PTPRD: variants seen among roughly 807,000 people sequenced by gnomAD.
PTPRD encodes protein tyrosine phosphatase receptor type D.
In PTPRD, 34 loss-of-function variants were observed where a neutral mutation model predicts 214.5. The observed-to-expected ratio is 0.16, with a 90% CI of 0.12 to 0.21. The LOEUF (loss-of-function observed/expected upper bound fraction) is 0.21. PTPRD is among the 10% of genes least tolerant of loss of function. The pLI is 1.00. For missense variants in PTPRD, 2,545 were observed against 2,398.7 expected (o/e 1.06, Z -1.27); for synonymous variants, 1,128 against 845.7 (o/e 1.33, Z -5.79).
chr9:8,711,308 T>C (rs2098328206), intron 12 of PTPRD, among the ~76,000 whole-genome samples: 1 of 152,080 alleles, frequency 6.6e-6, no homozygotes, highest in South Asian at 2.1e-4. Context: ...TTTAATCAAA[T>C]ATATAATTAT....
At chr9:10,016,382 T>TAGATAGAC (rs1403473610) in intron 4 of PTPRD, among the ~76,000 whole-genome samples, 3 of 135,882 alleles carry the variant, frequency 2.2e-5, no homozygotes, top group Non-Finnish European at 4.7e-5. Context: ...GATAGATAGA[T>TAGATAGAC]AGATAGATAG....
intron 34 of PTPRD, among the ~76,000 whole-genome samples, chr9:8,444,207 C>G (rs1196937781): frequency 6.6e-6 from 1 of 152,100 alleles, no homozygotes; most frequent in East Asian, 1.9e-4. Context: ...ATAACCTAGC[C>G]TCCATTAATA....
intron 11 of PTPRD, among the ~76,000 whole-genome samples, chr9:8,738,790 T>A (rs1443680767): frequency 2.7e-5 from 3 of 109,364 alleles, no homozygotes; most frequent in Non-Finnish European, 6.4e-5. Flanking sequence ...AAACAAAAAC[T>A]ACTGCTGTCA....
At chr9:9,016,126 C>T (rs1356810935) in intron 11 of PTPRD, among the ~76,000 whole-genome samples, 1 of 152,114 alleles carries the variant, frequency 6.6e-6, no homozygotes, top group Admixed American at 6.6e-5. Flanking sequence ...CTGAGACTGC[C>T]TTACTGCAGC....
intron 3 of PTPRD, among the ~76,000 whole-genome samples, chr9:10,180,692 A>G (rs908146542): frequency 2.6e-5 from 4 of 151,800 alleles, no homozygotes; most frequent in South Asian, 2.1e-4. Context: ...TACCAAATCA[A>G]CAGTATATTA....
intron 9 of PTPRD, among the ~76,000 whole-genome samples, chr9:9,343,190 T>C (rs1415551288): frequency 1.3e-5 from 2 of 152,196 alleles, no homozygotes; most frequent in Non-Finnish European, 2.9e-5. Context: ...GCAATAAACA[T>C]ACTTGTGCTT....
At chr9:8,345,371 G>T (rs903317110) in intron 39 of PTPRD, among the ~76,000 whole-genome samples, 1 of 152,052 alleles carries the variant, frequency 6.6e-6, no homozygotes, top group African/African-American at 2.4e-5. Flanking sequence ...CCTGTTCCCA[G>T]CACCCCCAGT....
At position 8,486,096 on chromosome 9, in the gene PTPRD, C is replaced by T. The variant is rs1392659820; in HGVS notation, c.2721G>A (p.Met907Ile). The T allele has an allele frequency of 1.2e-6, 2 of 1,614,134 alleles. No individual in the cohort carries two copies. The highest frequency in any genetic ancestry group is 2.2e-5 in the East Asian group (1 of 44,872). The part of the protein sequence containing the change: ...ARNKVGFGEE[M>I]VKEISIPEEV... ...CTTCTGGAATGGAAATCTCCTTCAC[C>T]ATCTCCTCCCCAAAGCCCACTTTGT... Residue 907 changes from methionine (M) to isoleucine (I), a missense_variant, in exon 28 of 46, where the codon ATG becomes ATA. By Grantham distance (10) the Met-to-Ile change is conservative. Coordinates refer to ENST00000381196, the MANE Select transcript of PTPRD (RefSeq NM_002839.4).
chr9:9,983,768 G>A (rs1047312929), intron 4 of PTPRD, among the ~76,000 whole-genome samples: 3 of 152,140 alleles, frequency 2.0e-5, no homozygotes, highest in Admixed American at 6.5e-5. Context: ...GAATGTCCAC[G>A]CATAATTTCA....
chr9:9,564,884 G>GTTTTTTTTTTTTT lies in PTPRD; in HGVS notation c.-237+9835_-237+9847dup, dbSNP rs1191664969. Among the ~76,000 whole-genome samples, 18 of 48,856 alleles carry GTTTTTTTTTTTTT rather than the reference G, an allele frequency of 3.7e-4. 2 individuals are homozygous for GTTTTTTTTTTTTT. The highest frequency in any genetic ancestry group is 8.3e-4 in the African/African-American group (12 of 14,410). 32.1% of individuals were successfully genotyped at this position (48,856 alleles called of 152,430 possible). A position where few individuals can be genotyped will look rare whatever the true frequency, so the allele number is the denominator to read the frequency against. On this transcript the variant is annotated intron_variant, in intron 8 of 45. Coordinates refer to ENST00000381196, the MANE Select transcript of PTPRD (RefSeq NM_002839.4). ...AACAAAAGAGAGACTTGAATCTTCT[G>GTTTTTTTTTTTTT]TTTTTTTTTTTTTTTTTTTTTTTTT...
At chr9:8,986,743 T>C (rs2099346829) in intron 11 of PTPRD, among the ~76,000 whole-genome samples, 1 of 152,074 alleles carries the variant, frequency 6.6e-6, no homozygotes, top group Non-Finnish European at 1.5e-5. Context: ...AAGTGCCAGA[T>C]ACAAATGTGT....
At chr9:8,969,104 C>T (rs1359071826) in intron 11 of PTPRD, among the ~76,000 whole-genome samples, 1 of 152,034 alleles carries the variant, frequency 6.6e-6, no homozygotes, top group Admixed American at 6.6e-5. Context: ...TCATCCCATT[C>T]CTCCCTCTAA....
At chr9:9,852,543 A>C (rs1313182528) in intron 5 of PTPRD, among the ~76,000 whole-genome samples, 1 of 152,142 alleles carries the variant, frequency 6.6e-6, no homozygotes, top group Admixed American at 6.5e-5. Context: ...CTAGAGTTAT[A>C]TAGAAATATG....
intron 7 of PTPRD, among the ~76,000 whole-genome samples, chr9:9,592,197 C>T (rs776626435): frequency 6.6e-6 from 1 of 152,014 alleles, no homozygotes; most frequent in Non-Finnish European, 1.5e-5. Flanking sequence ...ACCAATAAAG[C>T]ATATAAAATC....
intron 5 of PTPRD, among the ~76,000 whole-genome samples, chr9:9,810,762 T>C (rs80151943): frequency 0.017 from 2,533 of 152,096 alleles, 64 homozygotes; most frequent in African/African-American, 0.058. Context: ...CAAGTAGTAA[T>C]TTTGACTCTC....
At chr9:9,332,207 C>A (rs1569567439) in intron 9 of PTPRD, among the ~76,000 whole-genome samples, 1 of 151,884 alleles carries the variant, frequency 6.6e-6, no homozygotes, top group East Asian at 1.9e-4. Flanking sequence ...TGCTTGCTTT[C>A]CTCTGAGATG....
chr9:9,008,633 T>G (rs2099493518), intron 11 of PTPRD, among the ~76,000 whole-genome samples: 1 of 152,164 alleles, frequency 6.6e-6, no homozygotes, highest in Non-Finnish European at 1.5e-5. Context: ...GACCTTTGTT[T>G]TTGATGCAAG....
chr9:10,503,209 A>AAC (rs1449565001), intron 2 of PTPRD, among the ~76,000 whole-genome samples: 4 of 92,966 alleles, frequency 4.3e-5, no homozygotes, highest in Non-Finnish European at 8.0e-5. Flanking sequence ...AAAAAAAAAC[A>AAC]AAAAAAAACA....
intron 3 of PTPRD, among the ~76,000 whole-genome samples, chr9:10,269,619 T>G (rs990316426): frequency 6.6e-6 from 1 of 152,176 alleles, no homozygotes; most frequent in Non-Finnish European, 1.5e-5. Context: ...TTAACATTGG[T>G]GAAGGTGGGT....
Sources: allele counts gnomAD v4.1 joint callset (sites outside exome capture counted in the v4.1 genomes callset), GRCh38; gene constraint gnomAD v4.1.1; transcripts MANE v1.5; gene names NCBI Gene and HGNC (gene_info 2026-07-23, HGNC 2026-07-21).